PKP4: variants seen among roughly 807,000 people sequenced by gnomAD.
PKP4 encodes the protein plakophilin 4.
A neutral mutation model predicts 145.1 loss-of-function variants in PKP4; 90 were observed. That is an observed-to-expected ratio of 0.62 (90% confidence interval 0.52 to 0.74). The LOEUF (loss-of-function observed/expected upper bound fraction) is 0.74, where lower values mean the gene tolerates loss of function less well. Ranked by LOEUF, PKP4 falls within the 30% of genes least tolerant of loss-of-function variation. The pLI is 0.00. For missense variants in PKP4, 1,340 were observed against 1,482.7 expected (o/e 0.90, Z 1.58); for synonymous variants, 563 against 577.2 (o/e 0.98, Z 0.35).
At chr2:158,608,959 G>C (rs1357834265) in intron 4 of PKP4, among the ~76,000 whole-genome samples, 1 of 151,392 alleles carries the variant, frequency 6.6e-6, no homozygotes, top group Non-Finnish European at 1.5e-5. Flanking sequence ...GATTATAAGC[G>C]TGCACCACCA....
chr2:158,505,491 A>G (rs893022796), intron 1 of PKP4, among the ~76,000 whole-genome samples: 1 of 152,128 alleles, frequency 6.6e-6, no homozygotes, highest in Non-Finnish European at 1.5e-5. Context: ...TTCCTCCTGT[A>G]CTGTGCTGCC....
intron 4 of PKP4, among the ~76,000 whole-genome samples, chr2:158,610,830 T>G (rs1409816233): frequency 1.3e-5 from 2 of 152,172 alleles, no homozygotes; most frequent in Non-Finnish European, 2.9e-5. Flanking sequence ...CCGCCCCAGC[T>G]CTTCCTAGCA....
chr2:158,573,041 C>T (rs995690774), intron 2 of PKP4, among the ~76,000 whole-genome samples: 1 of 152,114 alleles, frequency 6.6e-6, no homozygotes, highest in Non-Finnish European at 1.5e-5. Flanking sequence ...TTCATGTGCA[C>T]AAGATGGTTT....
At chr2:158,602,635 A>G (rs941232580) in intron 3 of PKP4, among the ~76,000 whole-genome samples, 3 of 152,238 alleles carry the variant, frequency 2.0e-5, no homozygotes, top group Non-Finnish European at 1.5e-5. Flanking sequence ...GCAATATTCA[A>G]TTCAAAAGTG....
intron 11 of PKP4, among the ~76,000 whole-genome samples, chr2:158,650,423 A>T (rs1407590187): frequency 6.6e-6 from 1 of 152,208 alleles, no homozygotes; most frequent in African/African-American, 2.4e-5. Flanking sequence ...CTGTAAATGG[A>T]TCTCTAAAAG....
intron 1 of PKP4, among the ~76,000 whole-genome samples, chr2:158,478,056 A>G (rs1692768869): frequency 6.6e-6 from 1 of 152,188 alleles, no homozygotes; most frequent in Non-Finnish European, 1.5e-5. Flanking sequence ...AGTGTCCTAA[A>G]ATAGACTGGC....
chr2:158,535,255 C>A (rs1262303885), intron 2 of PKP4, among the ~76,000 whole-genome samples: 2 of 152,122 alleles, frequency 1.3e-5, no homozygotes, highest in East Asian at 3.8e-4. Context: ...AAAGTTAGAT[C>A]CAAGTAAGAA....
chr2:158,672,407 C>T (rs1389728688), intron 17 of PKP4, among the ~76,000 whole-genome samples: 1 of 152,180 alleles, frequency 6.6e-6, no homozygotes, highest in Non-Finnish European at 1.5e-5. Context: ...ATATCCTGGG[C>T]ACAGTCCTGC....
intron 16 of PKP4, 40 bp from the exon 17 acceptor site, chr2:158,669,680 T>C (rs753572246): frequency 3.4e-6 from 5 of 1,459,942 alleles, no homozygotes; most frequent in Non-Finnish European, 4.6e-6. Flanking sequence ...AAAAACCTAG[T>C]ACCTTCTGGA....
chr2:158,629,797 C>T (rs535395980), intron 7 of PKP4, among the ~76,000 whole-genome samples: 4 of 152,224 alleles, frequency 2.6e-5, no homozygotes, highest in Admixed American at 2.6e-4. Context: ...TGCAACCTCC[C>T]GCCCCCAGAT....
chr2:158,539,922 G>T (rs369483504), intron 2 of PKP4, among the ~76,000 whole-genome samples: 2 of 152,242 alleles, frequency 1.3e-5, no homozygotes, highest in South Asian at 2.1e-4. Context: ...TAACGATGCA[G>T]GGTGTCCTCC....
intron 1 of PKP4, among the ~76,000 whole-genome samples, chr2:158,508,384 AAAAAG>A (rs1395094916): frequency 8.8e-3 from 238 of 27,120 alleles, no homozygotes; most frequent in African/African-American, 0.054. Flanking sequence ...AAAAAAAAAA[AAAAAG>A]AAGAAGAAGA....
intron 1 of PKP4, chr2:158,457,920 A>G (rs901856048): frequency 2.0e-5 from 3 of 152,286 alleles, no homozygotes; most frequent in East Asian, 3.9e-4. Context: ...TCTCCCTGCC[A>G]GGAGTTGAAG....
intron 3 of PKP4, among the ~76,000 whole-genome samples, chr2:158,600,258 C>T (rs2050118735): frequency 6.6e-6 from 1 of 152,156 alleles, no homozygotes; most frequent in African/African-American, 2.4e-5. Context: ...TATATCTTCC[C>T]ATTGAAACAA....
rs572001728 is a variant in PKP4 at position 158,458,957 on chromosome 2, C to T, written c.-6+1739C>T. Among the ~76,000 whole-genome samples, 33 of 152,028 alleles carry T rather than the reference C, an allele frequency of 2.2e-4. 1 individual carries two copies. The South Asian group carries it at 6.9e-3, about 32-fold the overall frequency. ...ACTGAAAAAAAAAAATAAATGCTGCCCTACAAGTTTTAAAGAACGGTAATT... is the reference window on the plus strand; with the variant it reads ...ACTGAAAAAAAAAAATAAATGCTGCTCTACAAGTTTTAAAGAACGGTAATT... On this transcript the variant is annotated intron_variant, in intron 1 of 21. Coordinates refer to ENST00000389759, the MANE Select transcript of PKP4 (RefSeq NM_003628.6).
At position 158,629,286 on chromosome 2, in the gene PKP4, G is replaced by A. The variant is rs1005031291; in HGVS notation, c.1154-2467G>A. ...TTCAGACTTTTCCTCACCATGTGCC[G>A]TTGCTCCATGAGGGATAGCTGTGTC... On this transcript the variant is annotated intron_variant, in intron 7 of 21. Coordinates refer to ENST00000389759, the MANE Select transcript of PKP4 (RefSeq NM_003628.6). Among the ~76,000 whole-genome samples the A allele has an allele frequency of 3.3e-5, 5 of 152,074 alleles. No individual in the cohort carries two copies. The East Asian group carries it at 5.8e-4, about 18-fold the overall frequency.
chr2:158,529,091 A>C (rs1256441268), intron 1 of PKP4, among the ~76,000 whole-genome samples: 1 of 152,216 alleles, frequency 6.6e-6, no homozygotes, highest in African/African-American at 2.4e-5. Flanking sequence ...AAGATCTCTC[A>C]TCATGGGAGT....
rs2047226728 is a variant in PKP4 at position 158,569,131 on chromosome 2, A to G, written c.133-8140A>G. 3.3e-5 allele frequency among the ~76,000 whole-genome samples: 5 copies of G among 152,156 alleles called. No homozygotes were observed. In the South Asian group the frequency reaches 1.0e-3, roughly 32 times the overall value. ...CTCTCCTCCTTTATTTTGGTTTCCT[A>G]ATAGAGGAGCTAAGTTACAGATGAG... On this transcript the variant is annotated intron_variant, in intron 2 of 21. Transcript: ENST00000389759.
At chr2:158,612,821 G>C (rs976894829) in intron 4 of PKP4, among the ~76,000 whole-genome samples, 2 of 151,722 alleles carry the variant, frequency 1.3e-5, no homozygotes. Context: ...AGCATACCCC[G>C]GACCATCATG....
Sources: gnomAD v4.1 joint callset for allele counts (sites outside exome capture counted in the v4.1 genomes callset) on GRCh38, gnomAD v4.1.1 for gene constraint, MANE v1.5 for transcripts, NCBI Gene and HGNC (gene_info 2026-07-23, HGNC 2026-07-21) for gene names.